The following EP300 variants were observed in gnomAD, a reference collection of about 807,000 sequenced individuals.
EP300 encodes the protein histone acetyltransferase p300.
EP300 carries 31 observed loss-of-function variants against 264.0 expected under a neutral mutation model. That is an observed-to-expected ratio of 0.12 (90% CI 0.09 to 0.16). The LOEUF (loss-of-function observed/expected upper bound fraction) is 0.16. Among genes scored for constraint, EP300 ranks in the 10% least tolerant of loss-of-function variants. The probability of loss-of-function intolerance (pLI) is 1.00; values close to 1 mark genes in which losing one functional copy is unlikely to be tolerated. For synonymous variants in EP300, 1,340 were observed against 1,045.4 expected, an observed-to-expected ratio of 1.28 and a Z score of -5.44; for missense variants, 2,766 against 3,052.9, an observed-to-expected ratio of 0.91 and a Z score of 2.21.
chr22:41,121,363 A>AT (rs2058851217), intron 2 of EP300, among the ~76,000 whole-genome samples: 1 of 152,164 alleles, frequency 6.6e-6, no homozygotes, highest in Admixed American at 6.6e-5. Context: ...TAAGTACAAA[A>AT]TCTTCCTTAT....
chr22:41,120,053 A>G (rs2058843705), intron 2 of EP300, among the ~76,000 whole-genome samples: 1 of 152,110 alleles, frequency 6.6e-6, no homozygotes, highest in Admixed American at 6.6e-5. Context: ...ACCTCAAGTG[A>G]TCTGCCCACC....
At chr22:41,116,133 T>C (rs1169967984) in intron 1 of EP300, among the ~76,000 whole-genome samples, 5 of 152,232 alleles carry the variant, frequency 3.3e-5, no homozygotes, top group Non-Finnish European at 7.3e-5. Context: ...ACTCATGTAA[T>C]AATGGGTGTT....
intron 10 of EP300, among the ~76,000 whole-genome samples, chr22:41,146,165 A>ATTTTT (rs130087): frequency 7.2e-6 from 1 of 139,070 alleles, no homozygotes; most frequent in African/African-American, 2.7e-5. Context: ...GATGGCCTCA[A>ATTTTT]TTTTTTTTTT....
intron 4 of EP300, 45 bp downstream of exon 4, chr22:41,127,793 C>T: frequency 6.2e-7 from 1 of 1,611,554 alleles, no homozygotes; most frequent in Non-Finnish European, 8.5e-7. Context: ...TTTTTACAGC[C>T]AGGGAGAAGA....
Position 41,117,595 on chromosome 22 carries a change from G to C in EP300, c.503G>C (p.Gly168Ala), listed in dbSNP as rs757808968. The C allele has an allele frequency of 6.2e-7, 1 of 1,614,210 alleles. No homozygotes were observed. The highest frequency in any genetic ancestry group is 8.5e-7 in the Non-Finnish European group (1 of 1,180,042). Residue 168 changes from glycine to alanine, a missense_variant, in exon 2 of 31, where the codon GGG becomes GCG. Transcript: ENST00000263253. The stretch of plus-strand genomic sequence containing the variant: ...CAGCCTGCCATGGGAATGAACACAG[G>C]GATGAATGCGGGCATGAATCCTGGA... ...VNQPAMGMNT[G>A]MNAGMNPGML...
intron 1 of EP300, among the ~76,000 whole-genome samples, chr22:41,100,277 T>C (rs1049909738): frequency 3.3e-5 from 5 of 152,210 alleles, no homozygotes; most frequent in African/African-American, 9.7e-5. Flanking sequence ...CAGTTTTCTT[T>C]GTAATATTTT....
chr22:41,122,593 C>T (rs2058858930), intron 2 of EP300, among the ~76,000 whole-genome samples: 1 of 151,728 alleles, frequency 6.6e-6, no homozygotes, highest in African/African-American at 2.4e-5. Flanking sequence ...CTCTGAATTT[C>T]ATCTGGAAAA....
In EP300 at chr22:41,100,323, C is replaced by T. The variant is rs573825185; in HGVS notation, c.94+7225C>T. ...GTGTTTGAAATGGCAGAAAATGAAA[C>T]GGGGTAAGGATGAACTCCTGTATAG... On this transcript the variant is annotated intron_variant, in intron 1 of 30. Transcript: ENST00000263253. 1.0e-3 allele frequency among the ~76,000 whole-genome samples: 154 copies of T among 152,138 alleles called. 3 individuals carry two copies. Among genetic ancestry groups the T allele is most frequent in the Non-Finnish European group, 1.9e-3 (130 of 67,998 alleles).
intron 2 of EP300, 39 bp from the exon 3 acceptor site, chr22:41,125,825 T>A (rs2145707283): frequency 6.3e-7 from 1 of 1,595,644 alleles, no homozygotes; most frequent in Non-Finnish European, 8.6e-7. Flanking sequence ...GTCTTAAATT[T>A]TATTGCTTAT....
chr22:41,125,245 A>G (rs999998448), intron 2 of EP300, among the ~76,000 whole-genome samples: 3 of 148,120 alleles, frequency 2.0e-5, no homozygotes, highest in Non-Finnish European at 3.0e-5. Context: ...CAGCCTCCCG[A>G]CTAGCTGGGA....
Position 41,162,717 on chromosome 22 carries a change from CCTT to C in EP300, c.3672-5_3672-3del. 6.2e-7 allele frequency: 1 copy of C among 1,608,424 alleles called. No homozygotes were observed. Among genetic ancestry groups the C allele is most frequent in the South Asian group, 1.1e-5 (1 of 90,948 alleles). On this transcript the variant is annotated splice_region_variant and splice_polypyrimidine_tract_variant and intron_variant, in intron 20 of 30. Coordinates refer to ENST00000263253, the MANE Select transcript of EP300 (RefSeq NM_001429.4). ...TTTTCTCATTGTGTCCCTTTTCTCTCCTTAGTACAATAAATAAAGAACAATTTT... is the reference window on the plus strand; with the variant it reads ...TTTTCTCATTGTGTCCCTTTTCTCTCAGTACAATAAATAAAGAACAATTTT...
chr22:41,095,808 A>G (rs558595568), intron 1 of EP300, among the ~76,000 whole-genome samples: 2 of 152,182 alleles, frequency 1.3e-5, no homozygotes, highest in African/African-American at 2.4e-5. Context: ...TTCGTGATGT[A>G]AATATATCCA....
At chr22:41,158,928 T>C in intron 19 of EP300, 1 of 186,826 alleles carries the variant, frequency 5.4e-6, no homozygotes, top group Non-Finnish European at 1.1e-5. Context: ...GTTATTAGAA[T>C]ATATGAAAAC....
chr22:41,108,482 C>G (rs1250149282), intron 1 of EP300, among the ~76,000 whole-genome samples: 2 of 152,080 alleles, frequency 1.3e-5, no homozygotes, highest in African/African-American at 2.4e-5. Context: ...CTCCTGCGTT[C>G]AAGCAACCCT....
chr22:41,152,417 G>A (rs2145741406), intron 16 of EP300, 67 bp downstream of exon 16: 1 of 1,557,806 alleles, frequency 6.4e-7, no homozygotes, highest in Non-Finnish European at 8.7e-7. Context: ...CAGAATTGCG[G>A]TCATGCCTCT....
In EP300 at chr22:41,150,159, C is replaced by T. The variant is rs527577844; in HGVS notation, c.2778C>T (p.Thr926=). Residue 926 remains threonine (T), a synonymous_variant, in exon 14 of 31, where the codon ACC becomes ACT. Coordinates refer to ENST00000263253, the MANE Select transcript of EP300 (RefSeq NM_001429.4). The part of the protein sequence containing the change: ...SQQSTAASVP[T]PTAPLLPPQP... ...AGAGCACAGCAGCGTCTGTTCCTAC[C>T]CCAACAGCACCGCTGCTTCCTCCGC... 42 of 1,611,132 alleles carry T rather than the reference C, an allele frequency of 2.6e-5. No individual in the cohort carries two copies. In the South Asian group the frequency reaches 4.3e-4, roughly 16 times the overall value.
chr22:41,092,654 C>A lies in EP300; in HGVS notation c.-351C>A. On this transcript the variant is annotated 5_prime_UTR_variant, in exon 1 of 31. Transcript: ENST00000263253. ...ATGGCGGCGGCGGAGCTCCGAGAGA[C>A]CTCGGCTGGGCAGGGGCCGGCCGTG... 1.6e-6 allele frequency: 1 copy of A among 630,416 alleles called. No homozygotes were observed. The highest frequency in any genetic ancestry group is 2.0e-5 in the South Asian group (1 of 48,952). The allele number at this position is 630,416 out of a possible 1,614,324, so 39.1% of individuals were successfully genotyped here. A position where few individuals can be genotyped will look rare whatever the true frequency, so the allele number is the denominator to read the frequency against.
intron 14 of EP300, 112 bp from the exon 15 acceptor site, chr22:41,151,721 A>C: frequency 4.6e-6 from 5 of 1,077,664 alleles, no homozygotes; most frequent in Non-Finnish European, 7.1e-6. Context: ...AATAAATATA[A>C]GCCAAGAAAT....
chr22:41,154,423 C>T (rs902394261), intron 16 of EP300, among the ~76,000 whole-genome samples: 6 of 109,044 alleles, frequency 5.5e-5, no homozygotes, highest in Non-Finnish European at 1.0e-4. Context: ...ATTCTGTTGC[C>T]TAGGCTGGAG....
Sources: gnomAD v4.1 joint callset for allele counts (sites outside exome capture counted in the v4.1 genomes callset) on GRCh38, gnomAD v4.1.1 for gene constraint, MANE v1.5 for transcripts, NCBI Gene and HGNC (gene_info 2026-07-23, HGNC 2026-07-21) for gene names.